The following LRRC4C variants were observed in gnomAD, a reference collection of about 807,000 sequenced individuals.
The protein encoded by LRRC4C is leucine-rich repeat-containing protein 4C.
In LRRC4C, 5 loss-of-function variants were observed where a neutral mutation model predicts 33.6. The observed-to-expected ratio is 0.15, with a 90% CI of 0.08 to 0.31. The LOEUF (loss-of-function observed/expected upper bound fraction) is 0.31, where lower values mean the gene tolerates loss of function less well. LRRC4C is among the 10% of genes least tolerant of loss of function. The pLI is 1.00. For missense variants in LRRC4C, 560 were observed against 796.7 expected, an observed-to-expected ratio of 0.70 and a Z score of 3.58; for synonymous variants, 329 against 302.0, an observed-to-expected ratio of 1.09 and a Z score of -0.93.
intron 4 of LRRC4C, among the ~76,000 whole-genome samples, chr11:40,304,376 A>T (rs186587102): frequency 1.1e-3 from 166 of 152,304 alleles, no homozygotes; most frequent in Middle Eastern, 3.4e-3. Context: ...AAGAAGAAAC[A>T]CAGCTTCTGG....
intron 3 of LRRC4C, among the ~76,000 whole-genome samples, chr11:40,322,991 A>G (rs993677793): frequency 2.6e-5 from 4 of 152,228 alleles, no homozygotes; most frequent in African/African-American, 9.6e-5. Flanking sequence ...TAAAGTAACC[A>G]GCATTGTCAT....
intron 1 of LRRC4C, among the ~76,000 whole-genome samples, chr11:41,092,564 A>G (rs1329236651): frequency 1.3e-5 from 2 of 152,208 alleles, no homozygotes; most frequent in Admixed American, 6.5e-5. Context: ...CTCTTGAGCC[A>G]GTGTACTCTG....
At chr11:40,413,715 A>T (rs1273591629) in intron 3 of LRRC4C, among the ~76,000 whole-genome samples, 3 of 152,142 alleles carry the variant, frequency 2.0e-5, no homozygotes, top group African/African-American at 7.2e-5. Flanking sequence ...AATGAAGTGA[A>T]TGTTGTTTCA....
At chr11:41,105,004 T>G (rs1941411802) in intron 1 of LRRC4C, among the ~76,000 whole-genome samples, 1 of 151,864 alleles carries the variant, frequency 6.6e-6, no homozygotes. Flanking sequence ...AAAAAAAAAT[T>G]TGGCGATGGA....
intron 1 of LRRC4C, among the ~76,000 whole-genome samples, chr11:40,957,020 G>A (rs187347605): frequency 6.6e-6 from 1 of 151,846 alleles, no homozygotes; most frequent in East Asian, 1.9e-4. Context: ...AAAATTCTGA[G>A]CACATCCAGA....
At chr11:41,158,337 G>T (rs1260499313) in intron 1 of LRRC4C, among the ~76,000 whole-genome samples, 1 of 151,930 alleles carries the variant, frequency 6.6e-6, no homozygotes, top group Non-Finnish European at 1.5e-5. Flanking sequence ...GATTTTTGAG[G>T]TATTTCTGAA....
At chr11:40,858,840 C>T (rs1331598417) in intron 2 of LRRC4C, among the ~76,000 whole-genome samples, 1 of 151,926 alleles carries the variant, frequency 6.6e-6, no homozygotes, top group Non-Finnish European at 1.5e-5. Context: ...CCAACAAAAG[C>T]CATTGTTCTG....
At chr11:41,020,586 G>T (rs1855890678) in intron 1 of LRRC4C, among the ~76,000 whole-genome samples, 1 of 152,098 alleles carries the variant, frequency 6.6e-6, no homozygotes, top group Non-Finnish European at 1.5e-5. Context: ...GGAATGGCAA[G>T]TATTGCTAGC....
chr11:40,302,862 C>A (rs1347735531), intron 4 of LRRC4C, among the ~76,000 whole-genome samples: 2 of 152,104 alleles, frequency 1.3e-5, no homozygotes, highest in African/African-American at 2.4e-5. Flanking sequence ...AACAGCAAGT[C>A]TGGAATTTCA....
Position 40,920,624 on chromosome 11 carries a change from G to A in LRRC4C, c.-407+13011C>T, listed in dbSNP as rs571191845. 8.3e-4 allele frequency among the ~76,000 whole-genome samples: 127 copies of A among 152,126 alleles called. 1 individual carries two copies. Among genetic ancestry groups the A allele is most frequent in the Non-Finnish European group, 1.2e-3 (82 of 67,980 alleles). On this transcript the variant is annotated intron_variant, in intron 2 of 6. Transcript: ENST00000528697. Reference sequence around the variant, plus strand: ...TTTAGGTTTTTTCAGATTCATGAGTGGCCAGTCTCATGTTTACTTCTAATA... The same window carrying A: ...TTTAGGTTTTTTCAGATTCATGAGTAGCCAGTCTCATGTTTACTTCTAATA...
chr11:40,838,669 G>T (rs1164016655), intron 2 of LRRC4C, among the ~76,000 whole-genome samples: 1 of 151,826 alleles, frequency 6.6e-6, no homozygotes, highest in African/African-American at 2.4e-5. Flanking sequence ...GAAAATATGA[G>T]TTGTAGTAAC....
chr11:41,137,632 C>T (rs2135884483), intron 1 of LRRC4C, among the ~76,000 whole-genome samples: 1 of 152,044 alleles, frequency 6.6e-6, no homozygotes, highest in African/African-American at 2.4e-5. Context: ...TTAAATTAAC[C>T]ACAACCAAAA....
intron 5 of LRRC4C, among the ~76,000 whole-genome samples, chr11:40,147,074 C>T (rs1237818626): frequency 6.6e-6 from 1 of 152,158 alleles, no homozygotes; most frequent in Non-Finnish European, 1.5e-5. Flanking sequence ...GTTCTCTTTA[C>T]CAAAGCAGTT....
At chr11:40,468,683 T>C (rs1952775186) in intron 3 of LRRC4C, among the ~76,000 whole-genome samples, 1 of 152,174 alleles carries the variant, frequency 6.6e-6, no homozygotes, top group Non-Finnish European at 1.5e-5. Context: ...TATTTGTATA[T>C]ATGTTTATAT....
At chr11:40,672,551 T>C (rs1944180475) in intron 2 of LRRC4C, among the ~76,000 whole-genome samples, 1 of 152,218 alleles carries the variant, frequency 6.6e-6, no homozygotes, top group Non-Finnish European at 1.5e-5. Context: ...TTTTGCTGTG[T>C]CATTCTGGTT....
chr11:40,426,345 C>T (rs1260644773), intron 3 of LRRC4C, among the ~76,000 whole-genome samples: 1 of 151,364 alleles, frequency 6.6e-6, no homozygotes, highest in Non-Finnish European at 1.5e-5. Flanking sequence ...TCCTACCCTA[C>T]AACTCTCATA....
intron 3 of LRRC4C, among the ~76,000 whole-genome samples, chr11:40,385,242 A>G (rs12363223): frequency 0.33 from 50,141 of 152,000 alleles, 9,365 homozygotes; most frequent in South Asian, 0.47. Flanking sequence ...AATCTGAGTG[A>G]ATGATTCATT....
chr11:41,296,788 G>A (rs1950156748), intron 1 of LRRC4C, among the ~76,000 whole-genome samples: 1 of 151,934 alleles, frequency 6.6e-6, no homozygotes, highest in African/African-American at 2.4e-5. Context: ...TTTATGTCCG[G>A]AAGAAAAATT....
At chr11:41,317,664 G>A (rs1295176419) in intron 1 of LRRC4C, among the ~76,000 whole-genome samples, 6 of 151,824 alleles carry the variant, frequency 4.0e-5, no homozygotes, top group African/African-American at 9.7e-5. Context: ...CTAAGGACCC[G>A]TCATTTGGAG....
Sources: allele counts gnomAD v4.1 joint callset (sites outside exome capture counted in the v4.1 genomes callset), GRCh38; gene constraint gnomAD v4.1.1; transcripts MANE v1.5; gene names NCBI Gene and HGNC (gene_info 2026-07-23, HGNC 2026-07-21).